The following WDR27 variants were observed in gnomAD, a reference collection of about 807,000 sequenced individuals.
The protein encoded by WDR27 is WD repeat domain 27.
Under a neutral mutation model 114.4 loss-of-function variants are expected in WDR27, and 100 were observed. The ratio of observed to expected loss-of-function variants is 0.87; its 90% CI spans 0.74 to 1.03. WDR27 has a LOEUF of 1.03. Among genes scored for constraint, WDR27 ranks in the 50% least tolerant of loss-of-function variants. The pLI is 0.00. For synonymous variants in WDR27, 449 were observed against 423.1 expected (o/e 1.06, Z -0.75); for missense variants, 1,129 against 1,092.9 (o/e 1.03, Z -0.47).
rs773054931 is a variant in WDR27, at chr6:169,638,559, C to T, written c.1849G>A (p.Ala617Thr). 3.7e-6 allele frequency: 6 copies of T among 1,610,648 alleles called. No individual in the cohort carries two copies. In the Admixed American group the frequency reaches 1.0e-4, roughly 27 times the overall value. The change falls in exon 18 of 26, where the codon GCA (alanine) becomes ACA (threonine). Residue 617 changes from alanine to threonine, a missense_variant. Transcript: ENST00000448612. ...ATTACCAGAAGCAGTGCGAGCTCTGCCCCACGAGCCGACCACATTCGCAGG... is the reference window on the plus strand; with the variant it reads ...ATTACCAGAAGCAGTGCGAGCTCTGTCCCACGAGCCGACCACATTCGCAGG... ...GTLRMWSARG[A>T]ELALLLGKDM...
Position 169,575,378 on chromosome 6 carries a change from A to G in WDR27, c.2524-2838T>C, listed in dbSNP as rs1176073978. On this transcript the variant is annotated intron_variant, in intron 24 of 25. Transcript: ENST00000448612. The stretch of plus-strand genomic sequence containing the variant: ...TCCCTCTCTCTCTCTCCATCCATCC[A>G]TCCCTCCCTCTCTCCATCCATCCAT... Among the ~76,000 whole-genome samples the G allele has an allele frequency of 3.1e-5, 3 of 98,164 alleles. 1 individual carries two copies. The allele number at this position is 98,164 out of a possible 152,430, so 64.4% of individuals were successfully genotyped here.
intron 21 of WDR27, among the ~76,000 whole-genome samples, chr6:169,614,081 T>G (rs1811248316): frequency 6.6e-6 from 1 of 152,200 alleles, no homozygotes. Context: ...AGCAGGCTCC[T>G]GCGATGACTA....
intron 13 of WDR27, among the ~76,000 whole-genome samples, chr6:169,656,998 G>A (rs1824390342): frequency 6.6e-6 from 1 of 152,148 alleles, no homozygotes; most frequent in African/African-American, 2.4e-5. Context: ...TCTCAGAACT[G>A]TCCCCATGGT....
rs112097358 is a variant in WDR27 at position 169,672,359 on chromosome 6, G to A, written c.227C>T (p.Ala76Val). ...ILRGHHQPIT[A>V]MAFGNKVNPL... ...GTTCACTTTATTTCCAAAAGCCATA[G>A]CAGTAATTGGCTGATGGTGTCCTCG... is the stretch of plus-strand genomic sequence containing the variant. The change falls in exon 3 of 26, where the codon GCT becomes GTT. Residue 76 changes from alanine (A) to valine (V), a missense_variant. Ala to Val is a moderately conservative substitution (Grantham distance 64). Transcript: ENST00000448612. 1 of 1,610,908 alleles carries A rather than the reference G, an allele frequency of 6.2e-7. No individual in the cohort carries two copies. The highest frequency in any genetic ancestry group is 1.1e-5 in the South Asian group (1 of 90,518).
the WDR27 span, among the ~76,000 whole-genome samples, chr6:169,429,294 G>C: frequency 6.6e-5 from 10 of 152,118 alleles, no homozygotes; most frequent in Admixed American, 5.2e-4. Flanking sequence ...TGACAGCTGC[G>C]TGGGCTCCTG....
chr6:169,625,576 C>A (rs188794807), intron 21 of WDR27, among the ~76,000 whole-genome samples: 3 of 152,368 alleles, frequency 2.0e-5, no homozygotes, highest in African/African-American at 7.2e-5. Context: ...CCAGGCCCGA[C>A]GGGGTCAGTC....
intron 24 of WDR27, among the ~76,000 whole-genome samples, chr6:169,578,102 C>G (rs1171051467): frequency 6.6e-6 from 1 of 152,218 alleles, no homozygotes; most frequent in Admixed American, 6.5e-5. Context: ...TTGGTGTCAT[C>G]GCTCCGCAGT....
At chr6:169,537,230 C>T (rs1011343906) in intron 25 of WDR27, among the ~76,000 whole-genome samples, 3 of 152,128 alleles carry the variant, frequency 2.0e-5, no homozygotes, top group Middle Eastern at 3.2e-3. Flanking sequence ...TCTCTTCTTA[C>T]GTAGCTTATG....
At chr6:169,569,956 A>G (rs1282465494) in intron 25 of WDR27, among the ~76,000 whole-genome samples, 2 of 152,168 alleles carry the variant, frequency 1.3e-5, no homozygotes, top group Non-Finnish European at 2.9e-5. Flanking sequence ...TTCCTGCCCA[A>G]CTATCTCCTG....
intron 25 of WDR27, among the ~76,000 whole-genome samples, chr6:169,484,644 C>T (rs978731979): frequency 3.9e-5 from 6 of 152,320 alleles, no homozygotes; most frequent in Admixed American, 1.3e-4. Context: ...CTATCAATGA[C>T]ATTCTTCACA....
At chr6:169,590,302 G>C (rs1172815848) in intron 23 of WDR27, among the ~76,000 whole-genome samples, 2 of 152,150 alleles carry the variant, frequency 1.3e-5, no homozygotes, top group African/African-American at 4.8e-5. Context: ...ACTTGACAAT[G>C]GTAGTGATAT....
intron 24 of WDR27, among the ~76,000 whole-genome samples, chr6:169,575,378 ATCCC>A (rs1802129118): frequency 1.0e-5 from 1 of 98,164 alleles, no homozygotes; most frequent in African/African-American, 4.5e-5. Context: ...CCATCCATCC[ATCCC>A]TCCCTCTCTC....
At chr6:169,624,373 C>G (rs1474409262) in intron 21 of WDR27, among the ~76,000 whole-genome samples, 2 of 152,186 alleles carry the variant, frequency 1.3e-5, no homozygotes, top group Non-Finnish European at 2.9e-5. Flanking sequence ...CGAGAACCTT[C>G]CAGGTGTGCA....
chr6:169,700,599 G>A (rs1160672149), intron 1 of WDR27, among the ~76,000 whole-genome samples: 1 of 152,204 alleles, frequency 6.6e-6, no homozygotes, highest in African/African-American at 2.4e-5. Context: ...ACCACAACAT[G>A]GAAGAATTTT....
chr6:169,434,791 G>A, the WDR27 span, among the ~76,000 whole-genome samples: 4 of 152,192 alleles, frequency 2.6e-5, no homozygotes, highest in Non-Finnish European at 5.9e-5. Context: ...GCAGACTGAT[G>A]ATGCAATAGG....
chr6:169,430,321 A>T, the WDR27 span, among the ~76,000 whole-genome samples: 2 of 152,176 alleles, frequency 1.3e-5, no homozygotes, highest in African/African-American at 4.8e-5. Flanking sequence ...GTGTAGTAGG[A>T]GCTTGCAGCT....
chr6:169,435,528 G>A, the WDR27 span, among the ~76,000 whole-genome samples: 1 of 152,228 alleles, frequency 6.6e-6, no homozygotes, highest in African/African-American at 2.4e-5. Flanking sequence ...TCCTGTATGA[G>A]TGTGACCTGG....
At position 169,591,333 on chromosome 6, in the gene WDR27, T is replaced by C. The variant is rs200046062; in HGVS notation, c.2425-8399A>G. On this transcript the variant is annotated intron_variant, in intron 23 of 25. Transcript: ENST00000448612. ...TTCATCTGATAATTTCACCTACTGA[T>C]GACATTTGCCTAAGTCAATTACTCC... 9.8e-5 allele frequency among the ~76,000 whole-genome samples: 15 copies of C among 152,336 alleles called. No individual in the cohort carries two copies. In the East Asian group the frequency reaches 2.7e-3, roughly 27 times the overall value.
chr6:169,639,011 G>A (rs1026152792), intron 17 of WDR27, among the ~76,000 whole-genome samples: 1 of 151,338 alleles, frequency 6.6e-6, no homozygotes, highest in African/African-American at 2.4e-5. Flanking sequence ...GCGTGGTGCT[G>A]GATACTGCGT....
Sources: gnomAD v4.1 joint callset for allele counts (sites outside exome capture counted in the v4.1 genomes callset) on GRCh38, gnomAD v4.1.1 for gene constraint, MANE v1.5 for transcripts, NCBI Gene and HGNC (gene_info 2026-07-23, HGNC 2026-07-21) for gene names.